EFHB: variants seen among roughly 807,000 people sequenced by gnomAD.
The protein encoded by EFHB is EF-hand domain-containing family member B.
A neutral mutation model predicts 87.2 loss-of-function variants in EFHB; 91 were observed. The ratio of observed to expected loss-of-function variants is 1.04; its 90% CI spans 0.88 to 1.24. The LOEUF (loss-of-function observed/expected upper bound fraction) is 1.24. Ranked by LOEUF, EFHB falls within the 50% of genes most tolerant of loss-of-function variation. EFHB has a pLI of 0.00. For missense variants in EFHB, 1,084 were observed against 998.8 expected (o/e 1.09, Z -1.15); for synonymous variants, 325 against 333.6 (o/e 0.97, Z 0.28).
chr3:19,942,940 A>C (rs1696193071), intron 1 of EFHB: 1 of 202,376 alleles, frequency 4.9e-6, no homozygotes, highest in Non-Finnish European at 9.9e-6. Flanking sequence ...GTACCAGTCC[A>C]TGGCCCTAGA....
At chr3:19,886,562 G>T (rs1694106604) in intron 10 of EFHB, among the ~76,000 whole-genome samples, 1 of 150,590 alleles carries the variant, frequency 6.6e-6, no homozygotes, top group Admixed American at 6.7e-5. Flanking sequence ...GGGCAACACA[G>T]CCACTCAAGA....
At chr3:19,892,534 C>T (rs978099434) in intron 9 of EFHB, among the ~76,000 whole-genome samples, 7 of 152,222 alleles carry the variant, frequency 4.6e-5, no homozygotes, top group East Asian at 1.9e-4. Context: ...ACAGCAATCC[C>T]GGGCCAGTAG....
At chr3:19,946,681 T>G (rs893339117) in intron 1 of EFHB, among the ~76,000 whole-genome samples, 1 of 152,158 alleles carries the variant, frequency 6.6e-6, no homozygotes, top group African/African-American at 2.4e-5. Flanking sequence ...GAGGAGGTTC[T>G]CTCGTGCTAG....
At chr3:19,925,198 G>A (rs1695577704) in intron 1 of EFHB, among the ~76,000 whole-genome samples, 1 of 149,212 alleles carries the variant, frequency 6.7e-6, no homozygotes, top group African/African-American at 2.5e-5. Context: ...GCCGAGATCC[G>A]GCCACTGCAC....
chr3:19,940,359 C>A (rs994947923), intron 1 of EFHB: 4 of 392,814 alleles, frequency 1.0e-5, no homozygotes, highest in African/African-American at 8.3e-5. Context: ...TCTGCTAGAG[C>A]TTTGTAATGA....
chr3:19,889,572 G>T (rs1292859424), intron 9 of EFHB, among the ~76,000 whole-genome samples: 2 of 152,168 alleles, frequency 1.3e-5, no homozygotes, highest in Non-Finnish European at 2.9e-5. Flanking sequence ...ATCCCCTGGA[G>T]AACGAGAAAC....
At chr3:19,935,319 T>A (rs576699795), upstream of EFHB, among the ~76,000 whole-genome samples, 5 of 152,352 alleles carry the variant, frequency 3.3e-5, 1 homozygote, top group South Asian at 4.1e-4. Flanking sequence ...GATTTTTTTT[T>A]AAATTGAGGT....
In EFHB at chr3:19,916,876, C is replaced by A. The variant is rs1695251250; in HGVS notation, c.1177+1356G>T. ...AAGAATACCAGAAGATGATTCCAAT[C>A]AAAATAATCCTGTAAAGCAGAACTT... On this transcript the variant is annotated intron_variant, in intron 4 of 12. Coordinates refer to ENST00000295824, the MANE Select transcript of EFHB (RefSeq NM_144715.4). Among the ~76,000 whole-genome samples the A allele has an allele frequency of 2.6e-5, 4 of 152,144 alleles. 1 individual carries two copies. In the South Asian group the frequency reaches 8.3e-4, roughly 31 times the overall value.
intron 1 of EFHB, among the ~76,000 whole-genome samples, chr3:19,939,908 C>T (rs1342137008): frequency 6.6e-6 from 1 of 152,174 alleles, no homozygotes; most frequent in Non-Finnish European, 1.5e-5. Flanking sequence ...CACTCTGGCA[C>T]CCTCCAACAA....
At position 19,934,134 on chromosome 3, in the gene EFHB, A is replaced by C; in HGVS notation, c.-116T>G. 6.8e-7 allele frequency: 1 copy of C among 1,459,918 alleles called. No individual in the cohort carries two copies. The highest frequency in any genetic ancestry group is 9.0e-7 in the Non-Finnish European group (1 of 1,113,446). 90.4% of individuals were successfully genotyped at this position (1,459,918 alleles called of 1,614,324 possible). Reference sequence around the variant, plus strand: ...CGGAACCCCTCTCTCAGGAAAGAGCACAACCTCACTCGGACTCCCTGTCCA... The same window carrying C: ...CGGAACCCCTCTCTCAGGAAAGAGCCCAACCTCACTCGGACTCCCTGTCCA... On this transcript the variant is annotated 5_prime_UTR_variant, in exon 1 of 13. Transcript: ENST00000295824.
At position 19,918,257 on chromosome 3, in the gene EFHB, C is replaced by A. The variant is rs1427596034; in HGVS notation, c.1152G>T (p.Thr384=). 6.2e-7 allele frequency: 1 copy of A among 1,605,890 alleles called. No individual in the cohort carries two copies. The highest frequency in any genetic ancestry group is 1.7e-5 in the Admixed American group (1 of 58,196). Reference sequence around the variant, plus strand: ...CTTTGATGACTGCTGTCCCAAATGTCGTATTGGTTGTGTCCATGCCTTTTG... The same window carrying A: ...CTTTGATGACTGCTGTCCCAAATGTAGTATTGGTTGTGTCCATGCCTTTTG... The part of the protein sequence containing the change: ...GLPKGMDTTN[T]TFGTAVIKEY... The change falls in exon 4 of 13, where the codon ACG becomes ACT. Residue 384 remains threonine (T), a synonymous_variant. Coordinates refer to ENST00000295824, the MANE Select transcript of EFHB (RefSeq NM_144715.4).
At position 19,913,706 on chromosome 3, in the gene EFHB, T is replaced by C. The variant is rs149541403; in HGVS notation, c.1288+1597A>G. 1.8e-3 allele frequency among the ~76,000 whole-genome samples: 271 copies of C among 152,288 alleles called. 2 individuals carry two copies. Among genetic ancestry groups the C allele is most frequent in the African/African-American group, 6.2e-3 (258 of 41,558 alleles). The stretch of plus-strand genomic sequence containing the variant: ...ATATTTTAAAAAATCCTAAAGTGTA[T>C]ATGAAACCACAAAATACCCAGAATA... On this transcript the variant is annotated intron_variant, in intron 5 of 12. Transcript: ENST00000295824.
chr3:19,899,215 CCT>C lies in EFHB; in HGVS notation c.1502+215_1502+216del, dbSNP rs371757515. ...AAATAATGCTTTATGCAAAATTATC[CCT>C]CTCTCTTCTCCAGTGCCTTCTGCAT... On this transcript the variant is annotated intron_variant, in intron 7 of 12. Coordinates refer to ENST00000295824, the MANE Select transcript of EFHB (RefSeq NM_144715.4). 2.9e-3 allele frequency among the ~76,000 whole-genome samples: 441 copies of C among 152,166 alleles called. 3 individuals are homozygous for C. The highest frequency in any genetic ancestry group is 0.01 in the African/African-American group (421 of 41,492).
At chr3:19,919,252 A>G (rs932110987) in intron 3 of EFHB, among the ~76,000 whole-genome samples, 7 of 151,922 alleles carry the variant, frequency 4.6e-5, no homozygotes, top group African/African-American at 1.4e-4. Flanking sequence ...GCTGGATTGC[A>G]GTGGCATGAT....
chr3:19,926,395 G>T (rs569802588), intron 1 of EFHB, among the ~76,000 whole-genome samples: 1 of 151,980 alleles, frequency 6.6e-6, no homozygotes, highest in Non-Finnish European at 1.5e-5. Flanking sequence ...ACGGAGTCTC[G>T]CTCTGTCGCC....
chr3:19,936,743 T>C (rs1487750653), upstream of EFHB, among the ~76,000 whole-genome samples: 1 of 151,352 alleles, frequency 6.6e-6, no homozygotes, highest in Non-Finnish European at 1.5e-5. Context: ...TGGCCAGCAC[T>C]TGTAATCCCA....
intron 1 of EFHB, among the ~76,000 whole-genome samples, chr3:19,941,745 T>A (rs1214864577): frequency 6.6e-6 from 1 of 150,856 alleles, no homozygotes; most frequent in Non-Finnish European, 1.5e-5. Context: ...TAATCCCAGC[T>A]ACTCGGGAGG....
intron 1 of EFHB, among the ~76,000 whole-genome samples, chr3:19,922,674 G>A (rs112674509): frequency 6.6e-6 from 1 of 151,818 alleles, no homozygotes; most frequent in African/African-American, 2.4e-5. Context: ...AGATTTGGAA[G>A]CCAGCTTTCT....
chr3:19,890,229 T>C (rs1176212942), intron 9 of EFHB, among the ~76,000 whole-genome samples: 6 of 152,174 alleles, frequency 3.9e-5, no homozygotes, highest in Admixed American at 2.6e-4. Context: ...ATTTCTTACT[T>C]ACTAGTGCAA....
Sources: gnomAD v4.1 joint callset for allele counts (sites outside exome capture counted in the v4.1 genomes callset) on GRCh38, gnomAD v4.1.1 for gene constraint, MANE v1.5 for transcripts, NCBI Gene and HGNC (gene_info 2026-07-23, HGNC 2026-07-21) for gene names.